IQCH: variants seen among roughly 807,000 people sequenced by gnomAD.
The protein encoded by IQCH is IQ domain-containing protein H.
In IQCH, 98 loss-of-function variants were observed where a neutral mutation model predicts 117.0. The observed-to-expected ratio is 0.84, with a 90% CI of 0.71 to 0.99. The LOEUF is 0.99. Ranked by LOEUF, IQCH falls within the 50% of genes least tolerant of loss-of-function variation. The pLI, the probability that IQCH is intolerant of heterozygous loss-of-function variation, is 0.00. For synonymous variants in IQCH, 412 were observed against 448.2 expected, an observed-to-expected ratio of 0.92 and a Z score of 1.02; for missense variants, 1,102 against 1,243.8, an observed-to-expected ratio of 0.89 and a Z score of 1.72.
At chr15:67,373,346 A>G (rs1186946325) in intron 9 of IQCH, 21 bp from the exon 10 acceptor site, 2 of 1,583,816 alleles carry the variant, frequency 1.3e-6, no homozygotes, top group Non-Finnish European at 1.7e-6. Context: ...GTCACTGATC[A>G]ATGCTCTTCT....
intron 4 of IQCH, among the ~76,000 whole-genome samples, chr15:67,326,290 C>T (rs1199151452): frequency 2.6e-5 from 4 of 152,206 alleles, no homozygotes; most frequent in African/African-American, 7.2e-5. Context: ...CTACAAAGGA[C>T]ATGAGCTCAT....
In IQCH at chr15:67,417,032, C is replaced by T. The variant is rs754394368; in HGVS notation, c.2199C>T (p.Leu733=). The T allele has an allele frequency of 1.2e-6, 2 of 1,608,540 alleles. No homozygotes were observed. Among genetic ancestry groups the T allele is most frequent in the Middle Eastern group, 1.7e-4 (1 of 6,040 alleles). The part of the protein sequence containing the change: ...EKRFPTWRKF[L]QTFLSQGGVI... ...GGTTCCCGACGTGGAGGAAATTCCT[C>T]CAAACATTTCTCAGTCAAGGTAAAT... The change falls in exon 15 of 21, where the codon CTC becomes CTT. Residue 733 remains leucine, a synonymous_variant. Coordinates refer to ENST00000335894, the MANE Select transcript of IQCH (RefSeq NM_001031715.3). The surrounding 1 kb of genome is among the most constrained non-coding windows in gnomAD (Gnocchi z 4.3).
chr15:67,386,090 A>T lies in IQCH; in HGVS notation c.1456+1071A>T, dbSNP rs772707670. Among the ~76,000 whole-genome samples, 1 of 152,276 alleles carries T rather than the reference A, an allele frequency of 6.6e-6. No individual in the cohort carries two copies. Among genetic ancestry groups the T allele is most frequent in the East Asian group, 1.9e-4 (1 of 5,186 alleles). On this transcript the variant is annotated intron_variant, in intron 11 of 20. Transcript: ENST00000335894. This position sits in a 1 kb window ranked among gnomAD's most constrained non-coding sequence, Gnocchi z 5.0. Reference sequence around the variant, plus strand: ...ATTGTTTTTCAGCATTACAAAAAAAATTTTTAATGACTTAAGATTGATTTG... The same window carrying T: ...ATTGTTTTTCAGCATTACAAAAAAATTTTTTAATGACTTAAGATTGATTTG...
At chr15:67,371,633 A>G in intron 8 of IQCH, 1 of 736,276 alleles carries the variant, frequency 1.4e-6, no homozygotes, top group East Asian at 2.7e-5. Context: ...ATGATCTTTT[A>G]TGAAGTCAGA....
At chr15:67,261,420 T>C (rs760839708) in intron 2 of IQCH, 26 bp downstream of exon 2, 2 of 1,556,732 alleles carry the variant, frequency 1.3e-6, no homozygotes, top group South Asian at 1.2e-5. Context: ...GATATTAAAA[T>C]ACTGGAAGGA....
intron 6 of IQCH, among the ~76,000 whole-genome samples, chr15:67,345,565 A>G (rs1969350745): frequency 6.6e-6 from 1 of 152,200 alleles, no homozygotes; most frequent in African/African-American, 2.4e-5. Flanking sequence ...TTCTGCCCCA[A>G]CAACCTATAA....
At chr15:67,439,958 T>C (rs962852535) in intron 16 of IQCH, among the ~76,000 whole-genome samples, 1 of 149,706 alleles carries the variant, frequency 6.7e-6, no homozygotes, top group Non-Finnish European at 1.5e-5. Flanking sequence ...TAAATAAAAT[T>C]GATAGACCAT....
chr15:67,420,589 TA>T (rs1249994650), intron 15 of IQCH, among the ~76,000 whole-genome samples: 107 of 152,324 alleles, frequency 7.0e-4, no homozygotes, highest in African/African-American at 2.5e-3. Flanking sequence ...ACCACTGAGA[TA>T]GCCCACAAAT....
In IQCH at chr15:67,421,595, C is replaced by T; in HGVS notation, c.2505+18C>T. On this transcript the variant is annotated intron_variant, in intron 16 of 20. Coordinates refer to ENST00000335894, the MANE Select transcript of IQCH (RefSeq NM_001031715.3). ...AACAACAGGTAAGTTGAATGGATGC[C>T]ATACGAAATGCTAAAATATGTAATG... The T allele has an allele frequency of 6.2e-7, 1 of 1,612,828 alleles. No individual in the cohort carries two copies. Among genetic ancestry groups the T allele is most frequent in the Non-Finnish European group, 8.5e-7 (1 of 1,179,268 alleles).
chr15:67,321,881 C>T (rs1480849653), intron 4 of IQCH, among the ~76,000 whole-genome samples: 1 of 152,142 alleles, frequency 6.6e-6, no homozygotes, highest in African/African-American at 2.4e-5. Flanking sequence ...ATTTTATGGC[C>T]TAGGACATCA....
At chr15:67,298,343 A>C (rs1966873466) in intron 4 of IQCH, among the ~76,000 whole-genome samples, 1 of 151,902 alleles carries the variant, frequency 6.6e-6, no homozygotes, top group Non-Finnish European at 1.5e-5. Context: ...GCATTTCTCA[A>C]AATAAGACAT....
chr15:67,255,760 G>A lies in IQCH; in HGVS notation c.51+813G>A, dbSNP rs537684420. On this transcript the variant is annotated intron_variant, in intron 1 of 20. Coordinates refer to ENST00000335894, the MANE Select transcript of IQCH (RefSeq NM_001031715.3). Reference sequence around the variant, plus strand: ...CTCGTCAAAGGGATCTAATTTTTCTGGCAGAATTTTGATCTCTTACCTCCC... The same window carrying A: ...CTCGTCAAAGGGATCTAATTTTTCTAGCAGAATTTTGATCTCTTACCTCCC... Among the ~76,000 whole-genome samples, 5 of 152,192 alleles carry A rather than the reference G, an allele frequency of 3.3e-5. No homozygotes were observed. In the East Asian group the frequency reaches 9.7e-4, roughly 29 times the overall value.
At chr15:67,379,589 G>A (rs1970852085) in intron 10 of IQCH, among the ~76,000 whole-genome samples, 1 of 152,116 alleles carries the variant, frequency 6.6e-6, no homozygotes, top group Admixed American at 6.5e-5. Flanking sequence ...CCCACATGTT[G>A]GAGGAGGGGC....
Position 67,255,176 on chromosome 15 carries a change from G to T in IQCH, c.51+229G>T, listed in dbSNP as rs1965099650. On this transcript the variant is annotated intron_variant, in intron 1 of 20. Coordinates refer to ENST00000335894, the MANE Select transcript of IQCH (RefSeq NM_001031715.3). ...CCCAGAAGCAGGACTTTCTGCCTCT[G>T]GGAAAACTCTAAAACCGTTCACCCG... The T allele has an allele frequency of 1.0e-5, 6 of 591,422 alleles. No individual in the cohort carries two copies. In the Admixed American group the frequency reaches 1.5e-4, roughly 15 times the overall value. The allele number at this position is 591,422 out of a possible 1,614,324, so 36.6% of individuals were successfully genotyped here.
chr15:67,294,426 A>G (rs1234748516), intron 4 of IQCH, among the ~76,000 whole-genome samples: 17 of 152,206 alleles, frequency 1.1e-4, no homozygotes. Flanking sequence ...TCCTCAAAGC[A>G]AAATATTTCC....
At chr15:67,382,578 C>T (rs1303741034) in intron 10 of IQCH, among the ~76,000 whole-genome samples, 2 of 152,164 alleles carry the variant, frequency 1.3e-5, no homozygotes, top group Non-Finnish European at 2.9e-5. Flanking sequence ...CCCTTCTGGA[C>T]TTCTTCTCTG....
rs569581660 is a variant in IQCH, at chr15:67,297,375, G to A, written c.387+17863G>A. On this transcript the variant is annotated intron_variant, in intron 4 of 20. Transcript: ENST00000335894. ...TTCATCTATTCCCTCTACTATTTTT[G>A]GCAAAGTCTTTGAAAGCAAATCCCA... Among the ~76,000 whole-genome samples the A allele has an allele frequency of 3.9e-5, 6 of 152,044 alleles. No individual in the cohort carries two copies. In the South Asian group the frequency reaches 1.2e-3, roughly 32 times the overall value.
chr15:67,256,526 A>G (rs1270396766), intron 1 of IQCH, among the ~76,000 whole-genome samples: 1 of 152,226 alleles, frequency 6.6e-6, no homozygotes, highest in Non-Finnish European at 1.5e-5. Context: ...CCCACAGACA[A>G]AGACACTTCT....
chr15:67,325,270 ACATTT>A (rs1968354566), intron 4 of IQCH, among the ~76,000 whole-genome samples: 1 of 151,952 alleles, frequency 6.6e-6, no homozygotes, highest in Non-Finnish European at 1.5e-5. Flanking sequence ...TCTTTTATAT[ACATTT>A]AATTTCTCTG....
Sources: allele counts gnomAD v4.1 joint callset (sites outside exome capture counted in the v4.1 genomes callset), GRCh38; gene constraint gnomAD v4.1.1; non-coding constraint Gnocchi (gnomAD v3.1); transcripts MANE v1.5; gene names NCBI Gene and HGNC (gene_info 2026-07-23, HGNC 2026-07-21).